Variants in EGFR observed in about 807,000 individuals in gnomAD.
EGFR encodes epidermal growth factor receptor.
In EGFR, 58 loss-of-function variants were observed where a neutral mutation model predicts 143.0. That is an observed-to-expected ratio of 0.41 (90% CI 0.33 to 0.50). The LOEUF is 0.50. EGFR is among the 20% of genes least tolerant of loss of function. EGFR has a pLI of 0.39. For synonymous variants in EGFR, 613 were observed against 594.4 expected (o/e 1.03, Z -0.45); for missense variants, 1,307 against 1,579.0 (o/e 0.83, Z 2.92).
chr7:55,183,612 C>A (rs1786993735), intron 20 of EGFR, among the ~76,000 whole-genome samples: 1 of 152,194 alleles, frequency 6.6e-6, no homozygotes, highest in Admixed American at 6.5e-5. Flanking sequence ...GACCTGGAAC[C>A]CAGACCTGCT....
intron 1 of EGFR, among the ~76,000 whole-genome samples, chr7:55,140,316 C>A (rs1794390364): frequency 6.6e-6 from 1 of 152,104 alleles, no homozygotes; most frequent in African/African-American, 2.4e-5. Context: ...GGAAACTCTT[C>A]TGCAACGTGT....
chr7:55,031,864 C>T (rs1418631614), intron 1 of EGFR, among the ~76,000 whole-genome samples: 1 of 152,152 alleles, frequency 6.6e-6, no homozygotes, highest in African/African-American at 2.4e-5. Flanking sequence ...TAGCATTCCT[C>T]TGACTTAATA....
At chr7:55,175,119 T>C (rs563257674) in intron 19 of EGFR, among the ~76,000 whole-genome samples, 1 of 152,288 alleles carries the variant, frequency 6.6e-6, no homozygotes, top group South Asian at 2.1e-4. Context: ...GCCTGGAGCA[T>C]GGGTATTGTT....
intron 15 of EGFR, chr7:55,166,154 A>G (rs1294171415): frequency 2.2e-6 from 1 of 456,112 alleles, no homozygotes; most frequent in African/African-American, 2.0e-5. Context: ...TCTGTCGCAA[A>G]AAACAAAAAC....
chr7:55,084,502 G>A (rs144132235), intron 1 of EGFR, among the ~76,000 whole-genome samples: 16 of 152,334 alleles, frequency 1.1e-4, no homozygotes, highest in African/African-American at 3.6e-4. Flanking sequence ...AATTACATCT[G>A]CACAACTTCA....
chr7:55,126,978 A>C (rs889534531), intron 1 of EGFR, among the ~76,000 whole-genome samples: 3 of 152,200 alleles, frequency 2.0e-5, no homozygotes, highest in African/African-American at 7.2e-5. Flanking sequence ...CTAAATAATA[A>C]GGAATAGACT....
Position 55,122,914 on chromosome 7 carries a change from C to T in EGFR, c.89-19372C>T, listed in dbSNP as rs964909871. ...TTCCCTCAGTGCTGGGGCCAGCGTG[C>T]AGTGTCTTGTATTCAGTATATAGCT... is the stretch of plus-strand genomic sequence containing the variant. On this transcript the variant is annotated intron_variant, in intron 1 of 27. Transcript: ENST00000275493. 2.0e-5 allele frequency among the ~76,000 whole-genome samples: 3 copies of T among 152,242 alleles called. No individual in the cohort carries two copies. In the East Asian group the frequency reaches 5.8e-4, roughly 29 times the overall value.
At chr7:55,068,766 G>C (rs746490085) in intron 1 of EGFR, among the ~76,000 whole-genome samples, 1 of 152,160 alleles carries the variant, frequency 6.6e-6, no homozygotes, top group Non-Finnish European at 1.5e-5. Context: ...AATAACCTTA[G>C]AGAAGAGAGA....
At chr7:55,099,732 C>G (rs1032030603) in intron 1 of EGFR, among the ~76,000 whole-genome samples, 1 of 152,080 alleles carries the variant, frequency 6.6e-6, no homozygotes, top group African/African-American at 2.4e-5. Flanking sequence ...CTCTGGGCAC[C>G]CCCTTCTAGG....
At chr7:55,091,573 G>A (rs954882363) in intron 1 of EGFR, among the ~76,000 whole-genome samples, 5 of 152,184 alleles carry the variant, frequency 3.3e-5, no homozygotes, top group Non-Finnish European at 7.3e-5. Context: ...TAAGGCCAGG[G>A]AGAGTTGAAT....
intron 19 of EGFR, among the ~76,000 whole-genome samples, chr7:55,175,346 C>T (rs1786550601): frequency 1.3e-5 from 2 of 152,342 alleles, no homozygotes; most frequent in East Asian, 1.9e-4. Context: ...TGTACTTTCT[C>T]TCAGAATAAT....
At position 55,101,054 on chromosome 7, in the gene EGFR, C is replaced by T. The variant is rs535643323; in HGVS notation, c.89-41232C>T. ...TGCAGACAGCTGATTCTTCTCCTCCCGCGGCTGAGCAGCCTCCTCCGAGCA... is the reference window on the plus strand; with the variant it reads ...TGCAGACAGCTGATTCTTCTCCTCCTGCGGCTGAGCAGCCTCCTCCGAGCA... On this transcript the variant is annotated intron_variant, in intron 1 of 27. Transcript: ENST00000275493. 5.9e-5 allele frequency among the ~76,000 whole-genome samples: 9 copies of T among 152,358 alleles called. No individual in the cohort carries two copies. In the East Asian group the frequency reaches 1.2e-3, roughly 20 times the overall value.
intron 1 of EGFR, among the ~76,000 whole-genome samples, chr7:55,047,629 T>G (rs1342883005): frequency 6.6e-6 from 1 of 152,172 alleles, no homozygotes; most frequent in East Asian, 1.9e-4. Flanking sequence ...CGCATGCCGG[T>G]AATCCCAGCT....
chr7:55,171,256 T>C (rs1046308765), intron 16 of EGFR, 43 bp downstream of exon 16: 1 of 1,612,280 alleles, frequency 6.2e-7, no homozygotes, highest in East Asian at 2.2e-5. Context: ...TCGTCAAGAA[T>C]GACCACACTG....
At chr7:55,037,930 A>G (rs1787688311) in intron 1 of EGFR, among the ~76,000 whole-genome samples, 1 of 152,194 alleles carries the variant, frequency 6.6e-6, no homozygotes, top group Admixed American at 6.5e-5. Context: ...GTACTGAGGC[A>G]CGCCGCGATT....
Position 55,207,344 on chromosome 7 carries a change from C to T in EGFR, c.*1727C>T, listed in dbSNP as rs1273748224. 1.7e-5 allele frequency: 4 copies of T among 228,940 alleles called. No individual in the cohort carries two copies. The highest frequency in any genetic ancestry group is 3.5e-5 in the Non-Finnish European group (4 of 115,576). The allele number at this position is 228,940 out of a possible 1,614,324, so 14.2% of individuals were successfully genotyped here. A position where few individuals can be genotyped will look rare whatever the true frequency, so the allele number is the denominator to read the frequency against. ...CTATATTCATTTCCACTCTATTATGCTCTCAAATACCCCTAAGCATCTATA... is the reference window on the plus strand; with the variant it reads ...CTATATTCATTTCCACTCTATTATGTTCTCAAATACCCCTAAGCATCTATA... On this transcript the variant is annotated 3_prime_UTR_variant, in exon 28 of 28. Transcript: ENST00000275493.
chr7:55,132,068 A>C (rs1404665862), intron 1 of EGFR, among the ~76,000 whole-genome samples: 1 of 149,852 alleles, frequency 6.7e-6, no homozygotes, highest in African/African-American at 2.5e-5. Context: ...CTTTTTTCCT[A>C]ATGTTCATGG....
intron 1 of EGFR, among the ~76,000 whole-genome samples, chr7:55,067,888 G>A (rs1372623922): frequency 6.6e-6 from 1 of 151,238 alleles, no homozygotes; most frequent in Non-Finnish European, 1.5e-5. Context: ...ATACGTGTGT[G>A]TACATGTGTG....
rs2128939816 is a variant in EGFR, at chr7:55,157,761, G to A, written c.1298+8G>A. On this transcript the variant is annotated splice_region_variant and intron_variant, in intron 11 of 27. Coordinates refer to ENST00000275493, the MANE Select transcript of EGFR (RefSeq NM_005228.5). ...CGGCAGGACCAAGCAACAGTAAGTT[G>A]ACCACAGCCAAAGCCTGGTAGATTA... 6.2e-7 allele frequency: 1 copy of A among 1,614,026 alleles called. No homozygotes were observed. Among genetic ancestry groups the A allele is most frequent in the Non-Finnish European group, 8.5e-7 (1 of 1,179,900 alleles).
Sources: allele counts gnomAD v4.1 joint callset (sites outside exome capture counted in the v4.1 genomes callset), GRCh38; gene constraint gnomAD v4.1.1; transcripts MANE v1.5; gene names NCBI Gene and HGNC (gene_info 2026-07-23, HGNC 2026-07-21).